ZIC4: variants seen among roughly 807,000 people sequenced by gnomAD.
ZIC4 encodes Zic family zinc finger 4, also known as zinc finger protein ZIC 4.
Under a neutral mutation model 28.8 loss-of-function variants are expected in ZIC4, and 15 were observed. The observed-to-expected ratio is 0.52, with a 90% CI of 0.35 to 0.80. ZIC4 has a LOEUF of 0.80. Ranked by LOEUF, ZIC4 falls within the 30% of genes least tolerant of loss-of-function variation. ZIC4 has a pLI of 0.01. For missense variants in ZIC4, 512 were observed against 467.1 expected (o/e 1.10, Z -0.89); for synonymous variants, 220 against 198.1 (o/e 1.11, Z -0.93).
chr3:147,389,963 C>A (rs1238972025), intron 4 of ZIC4, among the ~76,000 whole-genome samples: 1 of 152,310 alleles, frequency 6.6e-6, no homozygotes, highest in South Asian at 2.1e-4. Context: ...ACACAGGCAA[C>A]GCCTCTACAG....
chr3:147,396,079 AG>A lies in ZIC4; in HGVS notation c.460del (p.Leu154TrpfsTer39). 6.2e-7 allele frequency: 1 copy of A among 1,614,234 alleles called. No homozygotes were observed. The highest frequency in any genetic ancestry group is 2.2e-5 in the East Asian group (1 of 44,880). ...GTGCTCCACGGTGACGTGCGTGACC[AG>A]CTCGTGCATGGTGCTGAAAGTTTTG... is the stretch of plus-strand genomic sequence containing the variant. The part of the protein sequence containing the change: ...CSKTFSTMHE[L>X]VTHVTVEHVG... On this transcript the variant is annotated frameshift_variant, in exon 3 of 5. Coordinates refer to ENST00000383075, the MANE Select transcript of ZIC4 (RefSeq NM_032153.6). LOFTEE classifies it high-confidence loss of function. This position sits in a 1 kb window ranked among gnomAD's most constrained non-coding sequence, Gnocchi z 4.2.
chr3:147,386,584 G>A lies in ZIC4; in HGVS notation c.*2275C>T, dbSNP rs1176152318. 6.6e-6 allele frequency: 1 copy of A among 152,540 alleles called. No individual in the cohort carries two copies. The highest frequency in any genetic ancestry group is 1.5e-5 in the Non-Finnish European group (1 of 68,014). 9.4% of individuals were successfully genotyped at this position (152,540 alleles called of 1,614,324 possible). A position where few individuals can be genotyped will look rare whatever the true frequency, so the allele number is the denominator to read the frequency against. ...TTATTCAGCACACACAGAGTAGGGG[G>A]ACCAGCACATCCTTATTTATTTAAA... is the stretch of plus-strand genomic sequence containing the variant. On this transcript the variant is annotated 3_prime_UTR_variant, in exon 5 of 5. Coordinates refer to ENST00000383075, the MANE Select transcript of ZIC4 (RefSeq NM_032153.6).
chr3:147,402,345 A>G (rs181813395), intron 2 of ZIC4, among the ~76,000 whole-genome samples: 1 of 152,190 alleles, frequency 6.6e-6, no homozygotes, highest in East Asian at 1.9e-4. Context: ...AAGCCAATAC[A>G]TGTCAAACCT....
chr3:147,388,765 T>G lies in ZIC4; in HGVS notation c.*94A>C. ...AAGATGCACCGTGGCGAAGAAACAC[T>G]GCTTTGTGCGCGGGCCCTTTGATGT... On this transcript the variant is annotated 3_prime_UTR_variant, in exon 5 of 5. Transcript: ENST00000383075. 1.3e-6 allele frequency: 1 copy of G among 741,408 alleles called. No individual in the cohort carries two copies. The highest frequency in any genetic ancestry group is 2.5e-6 in the Non-Finnish European group (1 of 402,768). 45.9% of individuals were successfully genotyped at this position (741,408 alleles called of 1,614,324 possible). A position where few individuals can be genotyped will look rare whatever the true frequency, so the allele number is the denominator to read the frequency against.
chr3:147,391,070 C>G lies in ZIC4; in HGVS notation c.865G>C (p.Gly289Arg), dbSNP rs767796917. 10 of 1,613,970 alleles carry G rather than the reference C, an allele frequency of 6.2e-6. No homozygotes were observed. The highest frequency in any genetic ancestry group is 8.5e-6 in the Non-Finnish European group (10 of 1,180,042). The change falls in exon 4 of 5, where the codon GGG becomes CGG. Residue 289 changes from glycine to arginine, a missense_variant. Gly to Arg is a moderately radical substitution (Grantham distance 125). Coordinates refer to ENST00000383075, the MANE Select transcript of ZIC4 (RefSeq NM_032153.6). ...CCAGAGCTGGGCGGCGGCGAGCGCC[C>G]GTGCACCTTCATGTGCTTACGCAGC... ...SSLRKHMKVH[G>R]RSPPPSSGYD...
In ZIC4 at chr3:147,386,511, A is replaced by G. The variant is rs567546958; in HGVS notation, c.*2348T>C. On this transcript the variant is annotated 3_prime_UTR_variant, in exon 5 of 5. Transcript: ENST00000383075. ...TCAGGAAGAACATTTTGCAGCAACT[A>G]TAATAACAGCATGGGTTACAGCTTG... The G allele has an allele frequency of 1.3e-5, 2 of 152,798 alleles. No homozygotes were observed. The highest frequency in any genetic ancestry group is 2.9e-5 in the Non-Finnish European group (2 of 68,032). 9.5% of individuals were successfully genotyped at this position (152,798 alleles called of 1,614,324 possible).
At chr3:147,404,122 T>A in intron 1 of ZIC4, 4 of 1,535,086 alleles carry the variant, frequency 2.6e-6, no homozygotes, top group Non-Finnish European at 2.6e-6. Context: ...GCTCTGAAAT[T>A]TCCTCATGGC....
At chr3:147,397,814 C>G (rs2087081558) in intron 2 of ZIC4, among the ~76,000 whole-genome samples, 2 of 152,166 alleles carry the variant, frequency 1.3e-5, no homozygotes, top group African/African-American at 4.8e-5. Context: ...TCCGAAATGT[C>G]TCGTTTCCCT....
At chr3:147,392,140 C>G (rs183618097) in intron 3 of ZIC4, 2 of 985,528 alleles carry the variant, frequency 2.0e-6, no homozygotes, top group Admixed American at 6.1e-5. Flanking sequence ...TCGGGCCTCT[C>G]GGTCCTAAGA....
intron 2 of ZIC4, among the ~76,000 whole-genome samples, chr3:147,402,223 C>A (rs1452092863): frequency 6.6e-6 from 1 of 152,178 alleles, no homozygotes; most frequent in Admixed American, 6.5e-5. Context: ...GTTCAGACAC[C>A]ACATTGTGGG....
chr3:147,397,582 T>C (rs2087077105), intron 2 of ZIC4, among the ~76,000 whole-genome samples: 1 of 151,848 alleles, frequency 6.6e-6, no homozygotes, highest in African/African-American at 2.4e-5. Flanking sequence ...ATGCCACCAT[T>C]CACCACAACT....
At position 147,388,806 on chromosome 3, in the gene ZIC4, C is replaced by T; in HGVS notation, c.*53G>A. On this transcript the variant is annotated 3_prime_UTR_variant, in exon 5 of 5. Coordinates refer to ENST00000383075, the MANE Select transcript of ZIC4 (RefSeq NM_032153.6). ...CCTTTGATGTAGCAGGCGCGAGATGCGGGGCGCTCAGCTGCGCGGAGCGAG... is the reference window on the plus strand; with the variant it reads ...CCTTTGATGTAGCAGGCGCGAGATGTGGGGCGCTCAGCTGCGCGGAGCGAG... The T allele has an allele frequency of 1.3e-6, 1 of 770,272 alleles. No individual in the cohort carries two copies. The highest frequency in any genetic ancestry group is 1.4e-5 in the South Asian group (1 of 72,148). The allele number at this position is 770,272 out of a possible 1,614,324, so 47.7% of individuals were successfully genotyped here.
intron 4 of ZIC4, among the ~76,000 whole-genome samples, chr3:147,390,597 G>A (rs944073726): frequency 2.6e-5 from 4 of 152,266 alleles, no homozygotes; most frequent in Middle Eastern, 3.4e-3. Flanking sequence ...ACCCAGTCAT[G>A]AAGGCGCGTG....
Position 147,396,998 on chromosome 3 carries a change from C to G in ZIC4, c.71-529G>C, listed in dbSNP as rs1365125178. The G allele has an allele frequency of 6.6e-6, 1 of 152,420 alleles. No homozygotes were observed. The highest frequency in any genetic ancestry group is 2.4e-5 in the African/African-American group (1 of 41,414). 9.4% of individuals were successfully genotyped at this position (152,420 alleles called of 1,614,324 possible). On this transcript the variant is annotated intron_variant, in intron 2 of 4. Transcript: ENST00000383075. This position sits in a 1 kb window ranked among gnomAD's most constrained non-coding sequence, Gnocchi z 4.2. ...TTGCCGACCCACGCTCCCCGGAGCTCCCTGTACCGGGCCGCTAACACCACT... is the reference window on the plus strand; with the variant it reads ...TTGCCGACCCACGCTCCCCGGAGCTGCCTGTACCGGGCCGCTAACACCACT...
At chr3:147,401,027 T>C (rs1376414343) in intron 2 of ZIC4, among the ~76,000 whole-genome samples, 1 of 152,188 alleles carries the variant, frequency 6.6e-6, no homozygotes, top group African/African-American at 2.4e-5. Flanking sequence ...TTAGCACATG[T>C]CAAAATGAAA....
In ZIC4 at chr3:147,386,083, CAAAGAAA is replaced by C; in HGVS notation, c.*2769_*2775del. On this transcript the variant is annotated 3_prime_UTR_variant, in exon 5 of 5. Transcript: ENST00000383075. ...AGAGAAACATCACATTATTTATTTC[CAAAGAAA>C]ATAGCCAAATGCAGCGCCATGTACA... 6.6e-6 allele frequency: 1 copy of C among 152,250 alleles called. No homozygotes were observed. The highest frequency in any genetic ancestry group is 6.5e-5 in the Admixed American group (1 of 15,300). 9.4% of individuals were successfully genotyped at this position (152,250 alleles called of 1,614,324 possible).
chr3:147,405,512 C>A (rs1457303005), intron 1 of ZIC4: 6 of 1,528,628 alleles, frequency 3.9e-6, no homozygotes, highest in Middle Eastern at 1.7e-4. Flanking sequence ...CCAGTCCTAG[C>A]TTTCTTTCAC....
intron 1 of ZIC4, chr3:147,404,120 AT>A: frequency 6.5e-7 from 1 of 1,535,124 alleles, no homozygotes; most frequent in Non-Finnish European, 8.7e-7. Context: ...TCGCTCTGAA[AT>A]TTCCTCATGG....
At chr3:147,404,449 A>G (rs1418257572) in intron 1 of ZIC4, among the ~76,000 whole-genome samples, 1 of 152,216 alleles carries the variant, frequency 6.6e-6, no homozygotes, top group African/African-American at 2.4e-5. Flanking sequence ...CTTTAGTTCA[A>G]ACTCTGACAC....
Sources: gnomAD v4.1 joint callset for allele counts (sites outside exome capture counted in the v4.1 genomes callset) on GRCh38, gnomAD v4.1.1 for gene constraint, Gnocchi (gnomAD v3.1) non-coding constraint, MANE v1.5 for transcripts, NCBI Gene and HGNC (gene_info 2026-07-23, HGNC 2026-07-21) for gene names.